Variants in LIMD1 observed in about 807,000 individuals in gnomAD.
LIMD1 encodes LIM domain-containing protein 1.
LIMD1 carries 23 observed loss-of-function variants against 58.4 expected under a neutral mutation model. That is an observed-to-expected ratio of 0.39 (90% CI 0.28 to 0.56). The LOEUF (loss-of-function observed/expected upper bound fraction) is 0.56. LIMD1 is among the 20% of genes least tolerant of loss of function. The pLI is 0.57. For missense variants in LIMD1, 838 were observed against 855.5 expected (o/e 0.98, Z 0.25); for synonymous variants, 334 against 345.5 (o/e 0.97, Z 0.37).
rs878932578 is a variant in LIMD1 at position 45,677,216 on chromosome 3, G to A, written c.*157G>A. 44 of 722,240 alleles carry A rather than the reference G, an allele frequency of 6.1e-5. No individual in the cohort carries two copies. Among genetic ancestry groups the A allele is most frequent in the Admixed American group, 2.8e-5 (1 of 35,974 alleles). The allele number at this position is 722,240 out of a possible 1,614,324, so 44.7% of individuals were successfully genotyped here. ...GGGGGGTGCCTTTCCTTTAACCAGGGAGGTGAACACTACCTGCCTCCTGCG... is the reference window on the plus strand; with the variant it reads ...GGGGGGTGCCTTTCCTTTAACCAGGAAGGTGAACACTACCTGCCTCCTGCG... On this transcript the variant is annotated 3_prime_UTR_variant, in exon 8 of 8. Coordinates refer to ENST00000273317, the MANE Select transcript of LIMD1 (RefSeq NM_014240.3).
At chr3:45,637,564 C>T (rs1285178558) in intron 2 of LIMD1, among the ~76,000 whole-genome samples, 1 of 152,218 alleles carries the variant, frequency 6.6e-6, no homozygotes, top group Non-Finnish European at 1.5e-5. Flanking sequence ...CAGGCGTGAG[C>T]CACTGCGCCC....
intron 2 of LIMD1, among the ~76,000 whole-genome samples, chr3:45,641,113 A>T (rs1164869161): frequency 6.6e-6 from 1 of 152,146 alleles, no homozygotes; most frequent in African/African-American, 2.4e-5. Context: ...CCTCAACACC[A>T]TGGAGACGGC....
chr3:45,622,379 G>T (rs75207132), intron 1 of LIMD1, among the ~76,000 whole-genome samples: 2 of 152,186 alleles, frequency 1.3e-5, no homozygotes, highest in Admixed American at 1.3e-4. Flanking sequence ...GAAACTGTGG[G>T]TAGTACTGAA....
chr3:45,661,538 T>C (rs1404211003), intron 2 of LIMD1, among the ~76,000 whole-genome samples: 1 of 152,268 alleles, frequency 6.6e-6, no homozygotes, highest in Non-Finnish European at 1.5e-5. Flanking sequence ...TTTCTGGAAC[T>C]AGGATAAATT....
intron 1 of LIMD1, among the ~76,000 whole-genome samples, chr3:45,610,186 G>GA (rs539107642): frequency 6.6e-6 from 1 of 151,836 alleles, no homozygotes; most frequent in African/African-American, 2.4e-5. Flanking sequence ...TCTGTCTCAA[G>GA]AAAAAAAAGA....
chr3:45,638,186 A>T (rs4682793), intron 2 of LIMD1, among the ~76,000 whole-genome samples: 152,364 of 152,364 alleles, frequency 1, 76,182 homozygotes, highest in Non-Finnish European at 1. Flanking sequence ...TAAACCCATT[A>T]ATTGGTTCCT....
chr3:45,650,458 G>A (rs1023759488), intron 2 of LIMD1, among the ~76,000 whole-genome samples: 20 of 151,852 alleles, frequency 1.3e-4, no homozygotes, highest in African/African-American at 4.8e-4. Flanking sequence ...TTTACATTAG[G>A]TATTTCTCCT....
chr3:45,598,895 C>G (rs1296885826), intron 1 of LIMD1, among the ~76,000 whole-genome samples: 4 of 152,190 alleles, frequency 2.6e-5, no homozygotes, highest in African/African-American at 9.7e-5. Flanking sequence ...ACACTTGATG[C>G]TGACTATTGA....
At chr3:45,643,342 G>A (rs891406788) in intron 2 of LIMD1, among the ~76,000 whole-genome samples, 3 of 152,022 alleles carry the variant, frequency 2.0e-5, no homozygotes, top group Admixed American at 6.5e-5. Flanking sequence ...AAAATTAACC[G>A]CATGTGGTGG....
intron 1 of LIMD1, among the ~76,000 whole-genome samples, chr3:45,602,954 C>G (rs1415872712): frequency 1.3e-5 from 2 of 152,098 alleles, no homozygotes; most frequent in Admixed American, 1.3e-4. Context: ...GATTCTCCTG[C>G]CTCAGCCTCC....
chr3:45,623,946 C>T (rs1701648250), intron 1 of LIMD1, among the ~76,000 whole-genome samples: 1 of 152,126 alleles, frequency 6.6e-6, no homozygotes, highest in South Asian at 2.1e-4. Flanking sequence ...GTCAGGAGCC[C>T]AGCAGCAGCC....
rs117819028 is a variant in LIMD1 at position 45,603,926 on chromosome 3, A to G, written c.1408+7639A>G. On this transcript the variant is annotated intron_variant, in intron 1 of 7. Transcript: ENST00000273317. ...ACAAAGTGAACCCATCTGTGTAGCC[A>G]ACACCCAGATCAAGGCAGAACATGA... Among the ~76,000 whole-genome samples the G allele has an allele frequency of 1.2e-4, 18 of 152,266 alleles. No individual in the cohort carries two copies. The East Asian group carries it at 3.3e-3, about 28-fold the overall frequency.
chr3:45,595,830 G>T lies in LIMD1; in HGVS notation c.951G>T (p.Gly317=), dbSNP rs760923679. The part of the protein sequence containing the change: ...RQGGLPRSNS[G]LGGEVSGVMS... ...GAGGTCTTCCAAGATCAAACTCGGG[G>T]CTGGGGGGTGAGGTTTCAGGTGTGA... is the stretch of plus-strand genomic sequence containing the variant. Residue 317 remains glycine (G), a synonymous_variant, in exon 1 of 8, where the codon GGG becomes GGT. Coordinates refer to ENST00000273317, the MANE Select transcript of LIMD1 (RefSeq NM_014240.3). 2.5e-6 allele frequency: 4 copies of T among 1,614,182 alleles called. No homozygotes were observed. The Admixed American group carries it at 6.7e-5, about 27-fold the overall frequency.
In LIMD1 at chr3:45,595,036, G is replaced by A. The variant is rs748856960; in HGVS notation, c.157G>A (p.Ala53Thr). 23 of 1,613,768 alleles carry A rather than the reference G, an allele frequency of 1.4e-5. No individual in the cohort carries two copies. The highest frequency in any genetic ancestry group is 1.7e-4 in the Middle Eastern group (1 of 6,028). The change falls in exon 1 of 8, where the codon GCC becomes ACC. Residue 53 changes from alanine (A) to threonine (T), a missense_variant. Coordinates refer to ENST00000273317, the MANE Select transcript of LIMD1 (RefSeq NM_014240.3). ...ETRRVFATKM[A>T]KIHLQQQQQQ... ...TCGCAGGGTGTTCGCCACCAAGATG[G>A]CCAAAATCCACCTCCAGCAGCAGCA... is the stretch of plus-strand genomic sequence containing the variant.
chr3:45,612,521 G>C (rs1434049271), intron 1 of LIMD1, among the ~76,000 whole-genome samples: 1 of 146,826 alleles, frequency 6.8e-6, no homozygotes, highest in Non-Finnish European at 1.5e-5. Context: ...TTGATAGGAG[G>C]AGTGTCTAGG....
rs60234903 is a variant in LIMD1 at position 45,627,292 on chromosome 3, C to T, written c.1409-8858C>T. ...TAGAACCCCTGGACCTTTTCTTCCC[C>T]GGTACTCCCTTAGCCCCTCTTATAA... On this transcript the variant is annotated intron_variant, in intron 1 of 7. Transcript: ENST00000273317. 5.7e-3 allele frequency among the ~76,000 whole-genome samples: 871 copies of T among 152,220 alleles called. 14 individuals carry two copies. In the East Asian group the frequency reaches 0.074, roughly 13 times the overall value.
intron 1 of LIMD1, among the ~76,000 whole-genome samples, chr3:45,623,792 C>T (rs1346845869): frequency 2.0e-5 from 3 of 152,130 alleles, no homozygotes; most frequent in Non-Finnish European, 2.9e-5. Context: ...CTGTGGTTCT[C>T]GTCCCTGGCT....
intron 1 of LIMD1, among the ~76,000 whole-genome samples, chr3:45,635,242 A>T (rs1030180552): frequency 1.3e-5 from 2 of 152,098 alleles, no homozygotes; most frequent in African/African-American, 4.8e-5. Flanking sequence ...TGTCTCAAAA[A>T]AAAGTTCTCT....
intron 1 of LIMD1, among the ~76,000 whole-genome samples, chr3:45,612,076 T>TCTCTCA (rs1559514835): frequency 6.6e-6 from 1 of 151,350 alleles, no homozygotes; most frequent in Non-Finnish European, 1.5e-5. Context: ...GCGCGCTCTC[T>TCTCTCA]CTCTCTCTCT....
Sources: allele counts gnomAD v4.1 joint callset (sites outside exome capture counted in the v4.1 genomes callset), GRCh38; gene constraint gnomAD v4.1.1; transcripts MANE v1.5; gene names NCBI Gene and HGNC (gene_info 2026-07-23, HGNC 2026-07-21).